LRRC9: variants seen among roughly 807,000 people sequenced by gnomAD.
LRRC9 encodes the protein leucine-rich repeat-containing protein 9.
Under a neutral mutation model 63.2 loss-of-function variants are expected in LRRC9, and 122 were observed. That is an observed-to-expected ratio of 1.93 (90% confidence interval 1.67 to 2.24). The LOEUF is 2.24. Among genes scored for constraint, LRRC9 ranks in the 30% most tolerant of loss-of-function variants. The pLI, the probability that LRRC9 is intolerant of heterozygous loss-of-function variation, is 0.00. For synonymous variants in LRRC9, 366 were observed against 213.1 expected, an observed-to-expected ratio of 1.72 and a Z score of -6.25; for missense variants, 1,071 against 627.7, an observed-to-expected ratio of 1.71 and a Z score of -7.55.
intron 7 of LRRC9, among the ~76,000 whole-genome samples, chr14:59,940,539 A>G (rs190179785): frequency 5.9e-5 from 9 of 152,214 alleles, no homozygotes; most frequent in Admixed American, 5.9e-4. Context: ...GGAAGAACAT[A>G]TGGATTCAAA....
At chr14:60,008,601 A>G (rs1391062821) in intron 23 of LRRC9, among the ~76,000 whole-genome samples, 1 of 152,198 alleles carries the variant, frequency 6.6e-6, no homozygotes, top group Non-Finnish European at 1.5e-5. Context: ...ATTAAGAAAA[A>G]TATATTTGAA....
rs200110428 is a variant in LRRC9 at position 59,979,013 on chromosome 14, A to C, written c.1878+881A>C. Among the ~76,000 whole-genome samples the C allele has an allele frequency of 2.0e-5, 3 of 152,296 alleles. No homozygotes were observed. In the East Asian group the frequency reaches 5.8e-4, roughly 29 times the overall value. On this transcript the variant is annotated intron_variant, in intron 15 of 31. Coordinates refer to ENST00000445360, the Ensembl canonical transcript of LRRC9. Reference sequence around the variant, plus strand: ...CTTTCATATGCTTAAAATTATTTAGAGTTGTACGAACCAAATGTTATATCT... The same window carrying C: ...CTTTCATATGCTTAAAATTATTTAGCGTTGTACGAACCAAATGTTATATCT...
chr14:59,926,433 A>G (rs1594799904), intron 1 of LRRC9, among the ~76,000 whole-genome samples: 1 of 152,224 alleles, frequency 6.6e-6, no homozygotes, highest in Non-Finnish European at 1.5e-5. Context: ...ATGAATAAAA[A>G]TGAGCATATA....
intron 29 of LRRC9, among the ~76,000 whole-genome samples, chr14:60,043,756 CTTTTTTTTTT>C (rs368065898): frequency 2.8e-5 from 2 of 71,574 alleles, no homozygotes; most frequent in Admixed American, 1.4e-4. Context: ...TTTTCTTTTC[CTTTTTTTTTT>C]TTTTTTTTTT....
At chr14:60,057,788 A>T in intron 30 of LRRC9, 90 bp from the exon 31 acceptor site, 1 of 453,698 alleles carries the variant, frequency 2.2e-6, no homozygotes, top group Non-Finnish European at 4.0e-6. Context: ...AAGAATGTTG[A>T]TTGTCTACTC....
chr14:59,976,732 T>G (rs1203690563), intron 13 of LRRC9, among the ~76,000 whole-genome samples: 3 of 152,206 alleles, frequency 2.0e-5, no homozygotes, highest in African/African-American at 7.2e-5. Flanking sequence ...ATTTTATGTA[T>G]TATGATTATA....
chr14:59,966,660 G>T lies in LRRC9; in HGVS notation c.1283G>T (p.Gly428Val), dbSNP rs752762285. ...GACTTCAGAACATACGGTATTACAGGAGTAAAAGTAAAACGCATCATTAAA... is the reference window on the plus strand; with the variant it reads ...GACTTCAGAACATACGGTATTACAGTAGTAAAAGTAAAACGCATCATTAAA... Residue 428 changes from glycine to valine, a missense_variant, in exon 11 of 32, where the codon GGA becomes GTA. Coordinates refer to ENST00000445360, the Ensembl canonical transcript of LRRC9. The surrounding 1 kb of genome is among the most constrained non-coding windows in gnomAD (Gnocchi z 4.0). 2 of 697,852 alleles carry T rather than the reference G, an allele frequency of 2.9e-6. No individual in the cohort carries two copies. Among genetic ancestry groups the T allele is most frequent in the South Asian group, 3.0e-5 (2 of 66,758 alleles). 43.2% of individuals were successfully genotyped at this position (697,852 alleles called of 1,614,324 possible). A position where few individuals can be genotyped will look rare whatever the true frequency, so the allele number is the denominator to read the frequency against.
chr14:60,019,398 A>G, intron 26 of LRRC9, 138 bp downstream of exon 26: 1 of 484,356 alleles, frequency 2.1e-6, no homozygotes, highest in Non-Finnish European at 3.7e-6. Flanking sequence ...TTTAATAGCT[A>G]CATGCCAAAA....
At chr14:60,038,526 C>T (rs1437555196) in intron 29 of LRRC9, among the ~76,000 whole-genome samples, 1 of 152,130 alleles carries the variant, frequency 6.6e-6, no homozygotes, top group Non-Finnish European at 1.5e-5. Context: ...TTCTCTGAAG[C>T]AATTGTGAAT....
chr14:60,044,097 A>G (rs1893204452), intron 29 of LRRC9, among the ~76,000 whole-genome samples: 1 of 151,940 alleles, frequency 6.6e-6, no homozygotes, highest in South Asian at 2.1e-4. Flanking sequence ...ATTAGAGTAT[A>G]GTTCATAATA....
At position 60,027,362 on chromosome 14, in the gene LRRC9, A is replaced by G. The variant is rs182994802; in HGVS notation, c.3704-522A>G. The stretch of plus-strand genomic sequence containing the variant: ...AGAGAGAAATCATAGGTTTATAAAT[A>G]AGGTTTAGAGTTTTGAAGAATTAAA... On this transcript the variant is annotated intron_variant, in intron 27 of 31. Coordinates refer to ENST00000445360, the Ensembl canonical transcript of LRRC9. This position sits in a 1 kb window ranked among gnomAD's most constrained non-coding sequence, Gnocchi z 4.0. Among the ~76,000 whole-genome samples, 1 of 152,194 alleles carries G rather than the reference A, an allele frequency of 6.6e-6. No individual in the cohort carries two copies. The highest frequency in any genetic ancestry group is 1.9e-4 in the East Asian group (1 of 5,170).
chr14:60,006,323 G>T, intron 21 of LRRC9, 74 bp from the exon 22 acceptor site: 1 of 608,110 alleles, frequency 1.6e-6, no homozygotes, highest in South Asian at 2.0e-5. Flanking sequence ...ACAATAAAAT[G>T]ACCAGCCACT....
intron 29 of LRRC9, among the ~76,000 whole-genome samples, chr14:60,043,756 CTTTTT>C (rs368065898): frequency 1.3e-4 from 9 of 71,568 alleles, no homozygotes; most frequent in South Asian, 9.1e-4. Flanking sequence ...TTTTCTTTTC[CTTTTT>C]TTTTTTTTTT....
At position 59,974,806 on chromosome 14, in the gene LRRC9, AGG is replaced by A. The variant is rs1885936225; in HGVS notation, c.1639+99_1639+100del. 5.9e-6 allele frequency: 3 copies of A among 504,474 alleles called. No individual in the cohort carries two copies. In the East Asian group the frequency reaches 9.7e-5, roughly 16 times the overall value. 31.2% of individuals were successfully genotyped at this position (504,474 alleles called of 1,614,324 possible). Reference sequence around the variant, plus strand: ...TTCTGATACTTGGTTTTATCAACCAAGGAGATGTTCTTCAAACCATTTTATTT... The same window carrying A: ...TTCTGATACTTGGTTTTATCAACCAAAGATGTTCTTCAAACCATTTTATTT... On this transcript the variant is annotated intron_variant, in intron 13 of 31. Transcript: ENST00000445360.
chr14:60,001,853 T>C, intron 19 of LRRC9, 113 bp from the exon 20 acceptor site: 1 of 436,176 alleles, frequency 2.3e-6, no homozygotes, highest in East Asian at 3.4e-5. Context: ...TGTTACATTT[T>C]ATAATTATTT....
In LRRC9 at chr14:59,984,062, T is replaced by C. The variant is rs982397475; in HGVS notation, c.2092-1043T>C. ...AGAAACAGTTCTACAATCAAATGTATAAAGAAAAGAGGGAAAGCAGGTGAT... is the reference window on the plus strand; with the variant it reads ...AGAAACAGTTCTACAATCAAATGTACAAAGAAAAGAGGGAAAGCAGGTGAT... On this transcript the variant is annotated intron_variant, in intron 16 of 31. Coordinates refer to ENST00000445360, the Ensembl canonical transcript of LRRC9. Among the ~76,000 whole-genome samples the C allele has an allele frequency of 1.6e-4, 24 of 152,136 alleles. 1 individual carries two copies. Among genetic ancestry groups the C allele is most frequent in the Non-Finnish European group, 3.2e-4 (22 of 68,026 alleles).
At chr14:59,999,265 A>C in intron 19 of LRRC9, 39 bp downstream of exon 19, 1 of 672,440 alleles carries the variant, frequency 1.5e-6, no homozygotes, top group Non-Finnish European at 2.7e-6. Context: ...TGCTATTTAG[A>C]ACATACAGAT....
At chr14:59,969,214 T>G (rs1885203396) in intron 12 of LRRC9, 1 of 152,210 alleles carries the variant, frequency 6.6e-6, no homozygotes, top group African/African-American at 2.4e-5. Context: ...ATTGGTTGCC[T>G]TCTTCTTTTT....
downstream of LRRC9, among the ~76,000 whole-genome samples, chr14:60,065,366 C>T (rs1023129990): frequency 2.0e-5 from 3 of 151,020 alleles, no homozygotes; most frequent in East Asian, 2.0e-4. Context: ...TACACCACCA[C>T]GCCAGGTGCA....
Sources: allele counts gnomAD v4.1 joint callset (sites outside exome capture counted in the v4.1 genomes callset), GRCh38; gene constraint gnomAD v4.1.1; non-coding constraint Gnocchi (gnomAD v3.1); transcripts MANE v1.5; gene names NCBI Gene and HGNC (gene_info 2026-07-23, HGNC 2026-07-21).